NRG1: variants seen among roughly 807,000 people sequenced by gnomAD.
NRG1 encodes neuregulin 1, also known as pro-neuregulin-1, membrane-bound isoform.
A neutral mutation model predicts 63.8 loss-of-function variants in NRG1; 18 were observed. The ratio of observed to expected loss-of-function variants is 0.28; its 90% CI spans 0.19 to 0.42. The LOEUF is 0.42. Among genes scored for constraint, NRG1 ranks in the 10% least tolerant of loss-of-function variants. The probability of loss-of-function intolerance (pLI) is 1.00; values close to 1 mark genes in which losing one functional copy is unlikely to be tolerated. For missense variants in NRG1, 762 were observed against 814.7 expected (o/e 0.94, Z 0.79); for synonymous variants, 302 against 301.3 (o/e 1.00, Z -0.02).
At chr8:32,070,925 G>A (rs62497355) in intron 1 of NRG1, among the ~76,000 whole-genome samples, 4,577 of 152,132 alleles carry the variant, frequency 0.03, 96 homozygotes, top group Middle Eastern at 0.051. Flanking sequence ...TACACCCTGC[G>A]TCCTCCCACC....
intron 1 of NRG1, among the ~76,000 whole-genome samples, chr8:31,848,807 A>G (rs200013223): frequency 4.0e-4 from 61 of 152,264 alleles, no homozygotes; most frequent in African/African-American, 9.1e-4. Flanking sequence ...TTGCAGGAAA[A>G]CAAGCTCAGG....
At chr8:32,451,623 G>C (rs1386531048) in intron 1 of NRG1, among the ~76,000 whole-genome samples, 1 of 152,178 alleles carries the variant, frequency 6.6e-6, no homozygotes, top group Non-Finnish European at 1.5e-5. Flanking sequence ...TAAAGATGGG[G>C]ATCAAATTGT....
At chr8:32,067,713 G>A (rs1004767377) in intron 1 of NRG1, among the ~76,000 whole-genome samples, 1 of 152,124 alleles carries the variant, frequency 6.6e-6, no homozygotes, top group African/African-American at 2.4e-5. Flanking sequence ...CCTTTGAGGT[G>A]AGGACATTAA....
chr8:32,104,821 A>G (rs1831051307), intron 1 of NRG1, among the ~76,000 whole-genome samples: 1 of 152,116 alleles, frequency 6.6e-6, no homozygotes, highest in African/African-American at 2.4e-5. Flanking sequence ...AGGGTAAATA[A>G]CAAGCACGAA....
intron 5 of NRG1, among the ~76,000 whole-genome samples, chr8:32,636,147 C>A (rs1851297246): frequency 6.6e-6 from 1 of 152,072 alleles, no homozygotes; most frequent in Middle Eastern, 3.4e-3. Flanking sequence ...GTTTTAGAAT[C>A]CTATCTAAAA....
intron 1 of NRG1, among the ~76,000 whole-genome samples, chr8:32,003,415 A>G (rs1292680713): frequency 3.9e-5 from 6 of 152,044 alleles, no homozygotes; most frequent in Non-Finnish European, 5.9e-5. Context: ...ACATTCATCA[A>G]GTAGACCATA....
chr8:32,708,804 G>A (rs961742004), intron 5 of NRG1, among the ~76,000 whole-genome samples: 2 of 152,066 alleles, frequency 1.3e-5, no homozygotes, highest in African/African-American at 2.4e-5. Context: ...TAACATGAGG[G>A]TTCCTGCTCT....
At chr8:32,016,429 A>G (rs113605773) in intron 1 of NRG1, among the ~76,000 whole-genome samples, 4,421 of 152,214 alleles carry the variant, frequency 0.029, 83 homozygotes, top group African/African-American at 0.057. Flanking sequence ...TTAAATATAT[A>G]TATATGTCAC....
chr8:32,106,455 C>T (rs746745255), intron 1 of NRG1, among the ~76,000 whole-genome samples: 3 of 152,154 alleles, frequency 2.0e-5, no homozygotes, highest in Non-Finnish European at 4.4e-5. Flanking sequence ...CCTGAGATTA[C>T]AGTAAAGACA....
intron 1 of NRG1, among the ~76,000 whole-genome samples, chr8:32,103,842 G>T (rs181318460): frequency 6.6e-6 from 1 of 152,266 alleles, no homozygotes; most frequent in Non-Finnish European, 1.5e-5. Flanking sequence ...AAAGGAGGTA[G>T]GGTTGGAGGC....
intron 1 of NRG1, among the ~76,000 whole-genome samples, chr8:31,868,184 A>G (rs984488756): frequency 6.6e-6 from 1 of 151,418 alleles, no homozygotes; most frequent in Non-Finnish European, 1.5e-5. Context: ...ACACACACAC[A>G]CACACACACA....
At chr8:32,493,272 G>T (rs1292616374) in intron 1 of NRG1, among the ~76,000 whole-genome samples, 1 of 152,064 alleles carries the variant, frequency 6.6e-6, no homozygotes, top group Admixed American at 6.6e-5. Context: ...CTGAATGACA[G>T]GTTCTGAGGC....
chr8:32,647,880 G>A, intron 5 of NRG1: 1 of 1,614,098 alleles, frequency 6.2e-7, no homozygotes, highest in Non-Finnish European at 8.5e-7. Flanking sequence ...CGTGGGCCTG[G>A]CCGTGCCCTG....
intron 1 of NRG1, among the ~76,000 whole-genome samples, chr8:32,276,293 G>A (rs922249294): frequency 3.3e-5 from 5 of 152,094 alleles, no homozygotes; most frequent in African/African-American, 9.7e-5. Context: ...AAGAACATGT[G>A]GTATTTGTCT....
chr8:32,549,256 G>A (rs565565212), intron 1 of NRG1, among the ~76,000 whole-genome samples: 7 of 152,360 alleles, frequency 4.6e-5, no homozygotes, highest in African/African-American at 1.7e-4. Flanking sequence ...GGAATGGGCC[G>A]CCTGGAGGGA....
chr8:32,706,100 T>C lies in NRG1; in HGVS notation c.503-21849T>C, dbSNP rs538849691. Among the ~76,000 whole-genome samples the C allele has an allele frequency of 2.0e-5, 3 of 152,286 alleles. No homozygotes were observed. In the South Asian group the frequency reaches 6.2e-4, roughly 32 times the overall value. On this transcript the variant is annotated intron_variant, in intron 5 of 11. Transcript: ENST00000356819. ...ATGAGATAAACTGGACTGATAAAAA[T>C]TATCCAAACTCAGGTTTAGATGCCT...
At chr8:31,852,183 C>A (rs2129609198) in intron 1 of NRG1, among the ~76,000 whole-genome samples, 1 of 152,342 alleles carries the variant, frequency 6.6e-6, no homozygotes, top group East Asian at 1.9e-4. Flanking sequence ...GGAATCGCCA[C>A]ACCAACTTCC....
chr8:31,923,930 T>C (rs1834121623), intron 1 of NRG1, among the ~76,000 whole-genome samples: 1 of 152,104 alleles, frequency 6.6e-6, no homozygotes. Context: ...TCTGCTTCCA[T>C]GTGCACACAT....
chr8:32,050,019 T>C (rs1821719777), intron 1 of NRG1, among the ~76,000 whole-genome samples: 1 of 152,114 alleles, frequency 6.6e-6, no homozygotes, highest in African/African-American at 2.4e-5. Flanking sequence ...AAAGCTTGCA[T>C]TTGGTTAGGA....
Sources: gnomAD v4.1 joint callset for allele counts (sites outside exome capture counted in the v4.1 genomes callset) on GRCh38, gnomAD v4.1.1 for gene constraint, MANE v1.5 for transcripts, NCBI Gene and HGNC (gene_info 2026-07-23, HGNC 2026-07-21) for gene names.